CFAP95: variants seen among roughly 807,000 people sequenced by gnomAD.
The protein encoded by CFAP95 is cilia and flagella associated protein 95, also known as cilia- and flagella-associated protein 95.
chr9:69,840,767 C>T, the CFAP95 span, among the ~76,000 whole-genome samples: 1 of 152,076 alleles, frequency 6.6e-6, no homozygotes, highest in Non-Finnish European at 1.5e-5. Context: ...GCTAGGCTGG[C>T]AGCCTCTTGG....
chr9:69,872,788 T>G, the CFAP95 span, among the ~76,000 whole-genome samples: 1 of 152,138 alleles, frequency 6.6e-6, no homozygotes, highest in Non-Finnish European at 1.5e-5. Flanking sequence ...AGTTCAAGTC[T>G]GCAGTGAGCT....
the CFAP95 span, among the ~76,000 whole-genome samples, chr9:69,886,408 G>C: frequency 2.0e-5 from 3 of 152,108 alleles, no homozygotes; most frequent in Non-Finnish European, 4.4e-5. Flanking sequence ...CAATTATAAA[G>C]AAGAAAAGAA....
the CFAP95 span, among the ~76,000 whole-genome samples, chr9:69,873,928 T>C: frequency 6.6e-6 from 1 of 152,350 alleles, no homozygotes; most frequent in African/African-American, 2.4e-5. Context: ...AATTTTATGA[T>C]AACTCCATTA....
the CFAP95 span, among the ~76,000 whole-genome samples, chr9:69,832,126 A>G: frequency 6.6e-6 from 1 of 152,180 alleles, no homozygotes; most frequent in African/African-American, 2.4e-5. Context: ...GTATTGTATA[A>G]GAACCCCGAG....
chr9:69,857,794 C>T, the CFAP95 span: 2 of 856,764 alleles, frequency 2.3e-6, no homozygotes, highest in Non-Finnish European at 3.6e-6. Context: ...TCCCAAAGTT[C>T]TGGGATTACA....
chr9:69,863,582 C>T, the CFAP95 span, among the ~76,000 whole-genome samples: 1 of 152,080 alleles, frequency 6.6e-6, no homozygotes, highest in Non-Finnish European at 1.5e-5. Flanking sequence ...AATACAAAAT[C>T]ATTTTATGAT....
At chr9:69,838,047 T>A in the CFAP95 span, among the ~76,000 whole-genome samples, 5 of 152,360 alleles carry the variant, frequency 3.3e-5, no homozygotes, top group Admixed American at 3.3e-4. Flanking sequence ...GTTGTAGATA[T>A]GCAGCATTAT....
the CFAP95 span, among the ~76,000 whole-genome samples, chr9:69,831,705 A>G: frequency 6.6e-6 from 1 of 152,136 alleles, no homozygotes; most frequent in Non-Finnish European, 1.5e-5. Flanking sequence ...TTTTCAGAGG[A>G]GGTTCACCTG....
the CFAP95 span, among the ~76,000 whole-genome samples, chr9:69,836,961 A>G: frequency 1.4e-5 from 2 of 145,444 alleles, no homozygotes; most frequent in African/African-American, 2.6e-5. Context: ...ATTCCCACCT[A>G]TGAGTGAGAA....
At chr9:69,842,785 C>G in the CFAP95 span, among the ~76,000 whole-genome samples, 7 of 152,086 alleles carry the variant, frequency 4.6e-5, no homozygotes, top group Non-Finnish European at 1.0e-4. Context: ...GGTAGGTTAC[C>G]AAAAAGCATT....
At chr9:69,896,910 A>G in the CFAP95 span, among the ~76,000 whole-genome samples, 1 of 152,192 alleles carries the variant, frequency 6.6e-6, no homozygotes, top group Non-Finnish European at 1.5e-5. Context: ...TTTTGAAAAA[A>G]TAAAAGAAAT....
the CFAP95 span, among the ~76,000 whole-genome samples, chr9:69,863,629 C>T: frequency 6.6e-6 from 1 of 152,122 alleles, no homozygotes. Context: ...CTAATTCATT[C>T]TAGGAAGTAA....
chr9:69,884,300 A>C, the CFAP95 span: 2 of 152,184 alleles, frequency 1.3e-5, no homozygotes, highest in Non-Finnish European at 2.9e-5. Flanking sequence ...TAGAGACAGG[A>C]TCTCTCTCTG....
the CFAP95 span, among the ~76,000 whole-genome samples, chr9:69,868,597 G>A: frequency 6.7e-6 from 1 of 150,268 alleles, no homozygotes; most frequent in South Asian, 2.1e-4. Flanking sequence ...GGCAGAGGTT[G>A]CAGTGAGCTG....
the CFAP95 span, among the ~76,000 whole-genome samples, chr9:69,863,653 C>G: frequency 6.6e-6 from 1 of 152,074 alleles, no homozygotes; most frequent in Non-Finnish European, 1.5e-5. Context: ...TTTCCATGTA[C>G]AAATCTCTGG....
chr9:69,893,914 C>T, the CFAP95 span, among the ~76,000 whole-genome samples: 8 of 152,068 alleles, frequency 5.3e-5, no homozygotes, highest in Non-Finnish European at 8.8e-5. Flanking sequence ...TTTATCTTAT[C>T]GTGTATTATT....
At chr9:69,841,181 T>C in the CFAP95 span, among the ~76,000 whole-genome samples, 1 of 128,174 alleles carries the variant, frequency 7.8e-6, no homozygotes, top group South Asian at 2.4e-4. Context: ...TATATATATA[T>C]ATATATATAT....
the CFAP95 span, among the ~76,000 whole-genome samples, chr9:69,883,828 A>C: frequency 2.3e-4 from 2 of 8,816 alleles, no homozygotes; most frequent in South Asian, 0.01. Context: ...TTTTTAAAAA[A>C]AAACAATTAA....
chr9:69,865,707 A>T, the CFAP95 span, among the ~76,000 whole-genome samples: 1 of 152,192 alleles, frequency 6.6e-6, no homozygotes, highest in African/African-American at 2.4e-5. Flanking sequence ...AATGAAGTTA[A>T]GCAGAGATAT....
Sources: gnomAD v4.1 joint callset for allele counts (sites outside exome capture counted in the v4.1 genomes callset) on GRCh38, gnomAD v4.1.1 for gene constraint, MANE v1.5 for transcripts, NCBI Gene and HGNC (gene_info 2026-07-23, HGNC 2026-07-21) for gene names.